Variants in ZNF385D observed in about 807,000 individuals in gnomAD.
ZNF385D encodes the protein zinc finger protein 385D.
ZNF385D carries 15 observed loss-of-function variants against 35.8 expected under a neutral mutation model. That is an observed-to-expected ratio of 0.42 (90% CI 0.28 to 0.64). ZNF385D has a LOEUF of 0.64. ZNF385D is among the 30% of genes least tolerant of loss of function. ZNF385D has a pLI of 0.23. For synonymous variants in ZNF385D, 212 were observed against 186.8 expected (o/e 1.13, Z -1.10); for missense variants, 474 against 494.6 (o/e 0.96, Z 0.39).
intron 2 of ZNF385D, among the ~76,000 whole-genome samples, chr3:21,577,525 A>C (rs1378901859): frequency 6.6e-6 from 1 of 152,162 alleles, no homozygotes; most frequent in Non-Finnish European, 1.5e-5. Flanking sequence ...ATATATACCG[A>C]GTAGTGGAAT....
intron 3 of ZNF385D, among the ~76,000 whole-genome samples, chr3:21,768,417 C>A (rs76090130): frequency 1.7e-4 from 26 of 152,074 alleles, no homozygotes; most frequent in African/African-American, 6.0e-4. Flanking sequence ...ACCTAGACAA[C>A]AATCACACTA....
intron 2 of ZNF385D, among the ~76,000 whole-genome samples, chr3:21,582,089 A>G (rs2063684191): frequency 6.6e-6 from 1 of 152,194 alleles, no homozygotes; most frequent in Admixed American, 6.5e-5. Context: ...ACTGAGGAAA[A>G]ACCAGGATAA....
intron 2 of ZNF385D, among the ~76,000 whole-genome samples, chr3:22,271,326 A>G (rs1054619963): frequency 6.6e-6 from 1 of 152,004 alleles, no homozygotes; most frequent in African/African-American, 2.4e-5. Context: ...ACTAATTTGG[A>G]TTCATTTTCT....
intron 3 of ZNF385D, among the ~76,000 whole-genome samples, chr3:22,064,226 AG>A (rs1421596880): frequency 6.6e-6 from 1 of 152,216 alleles, no homozygotes; most frequent in Non-Finnish European, 1.5e-5. Context: ...CAGGCAATAC[AG>A]GGGTAATCCT....
intron 1 of ZNF385D, among the ~76,000 whole-genome samples, chr3:21,702,863 G>C (rs553647109): frequency 2.7e-4 from 41 of 152,226 alleles, no homozygotes; most frequent in African/African-American, 9.6e-4. Flanking sequence ...ATCTCCATCT[G>C]AGACCACCTC....
chr3:22,015,675 C>T (rs527782910), intron 3 of ZNF385D, among the ~76,000 whole-genome samples: 25 of 152,214 alleles, frequency 1.6e-4, no homozygotes, highest in East Asian at 1.2e-3. Context: ...GGCTTTATTA[C>T]GGAAGCCATC....
At chr3:22,128,040 C>A (rs770690547) in intron 3 of ZNF385D, among the ~76,000 whole-genome samples, 5 of 152,266 alleles carry the variant, frequency 3.3e-5, no homozygotes, top group African/African-American at 1.2e-4. Context: ...TTGAAAAACT[C>A]TCTTTAGCCA....
intron 2 of ZNF385D, among the ~76,000 whole-genome samples, chr3:21,643,552 G>A (rs185636944): frequency 6.6e-6 from 1 of 152,198 alleles, no homozygotes; most frequent in East Asian, 1.9e-4. Context: ...ATGAGTCTGA[G>A]TCAATCTCAC....
chr3:22,074,631 T>C (rs1446482223), intron 3 of ZNF385D, among the ~76,000 whole-genome samples: 4 of 151,906 alleles, frequency 2.6e-5, no homozygotes, highest in African/African-American at 9.7e-5. Flanking sequence ...AATTCCACAA[T>C]ATAAGAAAAA....
chr3:22,098,813 T>C (rs558010268), intron 3 of ZNF385D, among the ~76,000 whole-genome samples: 1 of 152,016 alleles, frequency 6.6e-6, no homozygotes, highest in South Asian at 2.1e-4. Context: ...AATAAAAGTA[T>C]CACATACAGT....
chr3:21,876,733 A>C (rs2125856181), intron 3 of ZNF385D, among the ~76,000 whole-genome samples: 1 of 152,028 alleles, frequency 6.6e-6, no homozygotes, highest in East Asian at 1.9e-4. Flanking sequence ...TCCAAAACTC[A>C]ATTTTCCTGT....
chr3:21,543,120 CTGGCCAACA>C (rs1559387330), intron 3 of ZNF385D: 2 of 152,302 alleles, frequency 1.3e-5, no homozygotes, highest in African/African-American at 4.8e-5. Context: ...TGAGACCAGC[CTGGCCAACA>C]TGGTGAAACC....
intron 1 of ZNF385D, among the ~76,000 whole-genome samples, chr3:21,709,977 T>C (rs562371245): frequency 1.3e-5 from 2 of 152,314 alleles, no homozygotes; most frequent in East Asian, 3.9e-4. Flanking sequence ...GAACGAGTTA[T>C]TGATACACAA....
At chr3:21,463,206 T>C (rs1018935155) in intron 4 of ZNF385D, among the ~76,000 whole-genome samples, 7 of 48,062 alleles carry the variant, frequency 1.5e-4, no homozygotes, top group Non-Finnish European at 2.9e-4. Context: ...AGAGTAAAAA[T>C]AAAAGTAGAG....
intron 3 of ZNF385D, among the ~76,000 whole-genome samples, chr3:21,526,447 C>T (rs564527599): frequency 5.3e-5 from 8 of 152,154 alleles, no homozygotes; most frequent in South Asian, 4.2e-4. Flanking sequence ...TTGATACATG[C>T]GGCAATGTTT....
intron 2 of ZNF385D, among the ~76,000 whole-genome samples, chr3:22,281,378 T>A (rs758161600): frequency 6.6e-5 from 10 of 152,166 alleles, no homozygotes; most frequent in Non-Finnish European, 1.2e-4. Context: ...GGGTTTGTAA[T>A]ACATGGCTTT....
rs375357785 is a variant in ZNF385D at position 21,664,890 on chromosome 3, T to C, written c.161A>G (p.Asn54Ser). 8.1e-6 allele frequency: 13 copies of C among 1,613,412 alleles called. No individual in the cohort carries two copies. The highest frequency in any genetic ancestry group is 2.2e-5 in the East Asian group (1 of 44,870). The change falls in exon 2 of 8, where the codon AAT becomes AGT. Residue 54 changes from asparagine (N) to serine (S), a missense_variant. Asn to Ser is a conservative substitution (Grantham distance 46). Coordinates refer to ENST00000281523, the MANE Select transcript of ZNF385D (RefSeq NM_024697.3). ...AAAVNLFPNF[N>S]AMDPIQKAVI... ...ACAAATTTGGCAGGTACTTACCGCA[T>C]TGAAATTGGGGAAGAGGTTGACTGC...
chr3:21,472,995 C>G (rs1412914710), intron 4 of ZNF385D, among the ~76,000 whole-genome samples: 2 of 152,062 alleles, frequency 1.3e-5, no homozygotes, highest in Non-Finnish European at 2.9e-5. Flanking sequence ...CTCACCACTT[C>G]TATTCCCACA....
At position 21,915,854 on chromosome 3, in the gene ZNF385D, G is replaced by A. The variant is rs1700169198; in HGVS notation, c.326-250826C>T. 3.9e-5 allele frequency among the ~76,000 whole-genome samples: 6 copies of A among 152,224 alleles called. 1 individual carries two copies. In the South Asian group the frequency reaches 1.2e-3, roughly 32 times the overall value. ...TGGAAAATTTTTGTCCCTAGTGAAA[G>A]AACTTTACCAAACACGGCAAAAATA... On this transcript the variant is annotated intron_variant, in intron 3 of 5. Transcript: ENST00000494108.
Sources: allele counts gnomAD v4.1 joint callset (sites outside exome capture counted in the v4.1 genomes callset), GRCh38; gene constraint gnomAD v4.1.1; transcripts MANE v1.5; gene names NCBI Gene and HGNC (gene_info 2026-07-23, HGNC 2026-07-21).